POM121: variants seen among roughly 807,000 people sequenced by gnomAD.
POM121 encodes the protein POM121 transmembrane nucleoporin.
POM121 carries 32 observed loss-of-function variants against 81.3 expected under a neutral mutation model. That is an observed-to-expected ratio of 0.39 (90% CI 0.30 to 0.53). The LOEUF (loss-of-function observed/expected upper bound fraction) is 0.53. Ranked by LOEUF, POM121 falls within the 20% of genes least tolerant of loss-of-function variation. POM121 has a pLI of 0.66. For missense variants in POM121, 1,138 were observed against 1,614.6 expected (o/e 0.70, Z 5.06); for synonymous variants, 514 against 694.2 (o/e 0.74, Z 4.08).
rs572169808 is a variant in POM121 at position 72,891,489 on chromosome 7, C to T, written c.-216+379C>T. ...TGGTATGATCTCAGCTCACTGCAAC[C>T]ATCACCTCCCAGGTTCAAGCGATTC... is the stretch of plus-strand genomic sequence containing the variant. On this transcript the variant is annotated intron_variant, in intron 3 of 15. Coordinates refer to the POM121 transcript ENST00000395270. Among the ~76,000 whole-genome samples the T allele has an allele frequency of 3.9e-5, 6 of 152,280 alleles. No homozygotes were observed. In the South Asian group the frequency reaches 1.0e-3, roughly 26 times the overall value.
At chr7:72,938,454 A>G (rs1463447544) in intron 5 of POM121, 136 bp from the exon 6 acceptor site, 3 of 1,100,684 alleles carry the variant, frequency 2.7e-6, no homozygotes, top group Non-Finnish European at 2.7e-6. Context: ...GCCTCCCAGC[A>G]TGCTGGGATT....
At chr7:72,901,500 GC>G (rs1792648593) in intron 3 of POM121, among the ~76,000 whole-genome samples, 1 of 151,186 alleles carries the variant, frequency 6.6e-6, no homozygotes. Flanking sequence ...GATTACAGGC[GC>G]CCGCCACCGT....
At chr7:72,907,134 A>C (rs1793324461) in intron 3 of POM121, among the ~76,000 whole-genome samples, 1 of 152,130 alleles carries the variant, frequency 6.6e-6, no homozygotes. Context: ...TGCCGTGCTA[A>C]ATCAATTCAG....
chr7:72,936,253 C>G (rs1796492547), intron 5 of POM121, among the ~76,000 whole-genome samples: 1 of 151,970 alleles, frequency 6.6e-6, no homozygotes, highest in Non-Finnish European at 1.5e-5. Context: ...TCTCAAAACT[C>G]TTGGGCTCAA....
At chr7:72,928,596 G>A (rs1307317984) in intron 4 of POM121, 131 bp downstream of exon 4, 2 of 1,114,926 alleles carry the variant, frequency 1.8e-6, no homozygotes, top group Non-Finnish European at 2.6e-6. Flanking sequence ...TTTGAAATTA[G>A]GAACGTTTTG....
chr7:72,887,252 A>G (rs541503894), intron 1 of POM121, among the ~76,000 whole-genome samples: 6 of 151,968 alleles, frequency 3.9e-5, no homozygotes, highest in Admixed American at 3.9e-4. Context: ...TTTTTTGAAC[A>G]TTTGGAATAG....
chr7:72,902,508 A>G (rs1329630378), intron 3 of POM121, among the ~76,000 whole-genome samples: 10 of 145,468 alleles, frequency 6.9e-5, no homozygotes, highest in Admixed American at 1.4e-4. Flanking sequence ...TTTTTCTATA[A>G]GCTTTAGTTT....
At position 72,894,626 on chromosome 7, in the gene POM121, GGAGAGA is replaced by G. The variant is rs71071923; in HGVS notation, c.-216+3567_-216+3572del. On this transcript the variant is annotated intron_variant, in intron 3 of 15. Coordinates refer to the POM121 transcript ENST00000395270. ...GAGAGAGAGAGAGATGAGAGAGAGA[GGAGAGA>G]GAGAGAGAGAGAGAGAGAGAGAGAG... Among the ~76,000 whole-genome samples the G allele has an allele frequency of 6.2e-3, 145 of 23,322 alleles. 1 individual carries two copies. Among genetic ancestry groups the G allele is most frequent in the Admixed American group, 0.02 (34 of 1,738 alleles). 15.3% of individuals were successfully genotyped at this position (23,322 alleles called of 152,430 possible). A position where few individuals can be genotyped will look rare whatever the true frequency, so the allele number is the denominator to read the frequency against.
intron 5 of POM121, among the ~76,000 whole-genome samples, chr7:72,932,526 C>G (rs1411919362): frequency 2.0e-5 from 3 of 152,222 alleles, no homozygotes; most frequent in African/African-American, 4.8e-5. Flanking sequence ...TACATTTGTT[C>G]ATATGTCATT....
intron 4 of POM121, among the ~76,000 whole-genome samples, chr7:72,918,785 G>A (rs1414752041): frequency 2.6e-5 from 4 of 151,620 alleles, no homozygotes; most frequent in Admixed American, 6.6e-5. Context: ...CACGTCTCTG[G>A]CATTTCTGCT....
chr7:72,924,544 C>G (rs1795154284), upstream of POM121: 2 of 152,302 alleles, frequency 1.3e-5, no homozygotes, highest in South Asian at 4.1e-4. Context: ...TAACCATGAC[C>G]AGTCACTTTC....
intron 6 of POM121, 148 bp from the exon 7 acceptor site, chr7:72,939,188 G>A (rs1307061350): frequency 4.2e-6 from 5 of 1,192,130 alleles, no homozygotes; most frequent in Non-Finnish European, 4.6e-6. Context: ...GGAATTTCCT[G>A]TTGACTTTTT....
At chr7:72,881,051 G>A (rs557919256) in intron 1 of POM121, among the ~76,000 whole-genome samples, 1 of 89,990 alleles carries the variant, frequency 1.1e-5, no homozygotes, top group Admixed American at 1.2e-4. Context: ...ACAGGCGCAT[G>A]CTTCCCCTAT....
chr7:72,939,434 G>C, intron 7 of POM121, 25 bp downstream of exon 7: 1 of 1,613,362 alleles, frequency 6.2e-7, no homozygotes, highest in Non-Finnish European at 8.5e-7. Flanking sequence ...CAGGAGGAGG[G>C]GCTGCTGTTG....
At chr7:72,913,797 C>T (rs561621080) in exon 4 of POM121, 1 of 152,360 alleles carries the variant, frequency 6.6e-6, no homozygotes, top group East Asian at 1.9e-4. Context: ...ATCTCACTTC[C>T]TCCCAGAGGC....
At chr7:72,902,582 G>A (rs1792800100) in intron 3 of POM121, among the ~76,000 whole-genome samples, 1 of 151,798 alleles carries the variant, frequency 6.6e-6, no homozygotes, top group Non-Finnish European at 1.5e-5. Context: ...AGGCTGGAGT[G>A]CAGTGGTGCA....
chr7:72,923,546 C>T (rs1200638023), upstream of POM121, among the ~76,000 whole-genome samples: 4 of 151,890 alleles, frequency 2.6e-5, no homozygotes, highest in Non-Finnish European at 5.9e-5. Flanking sequence ...CCTCAGCCTC[C>T]CGAGTAGCTG....
chr7:72,925,468 A>G lies in POM121; in HGVS notation c.347A>G (p.Asn116Ser), dbSNP rs1554497044. ...FASPLAKSTA[N>S]GNLLEPRTLL... ...TCGCCTCTGGCCAAGTCGACAGCCA[A>G]CGGAAACCTCCTAGAGCCGCGGACC... The change falls in exon 1 of 13, where the codon AAC (asparagine) becomes AGC (serine). Residue 116 changes from asparagine (N) to serine (S), a missense_variant. Physicochemically the swap from Asn to Ser is conservative, Grantham distance 46. Transcript: ENST00000434423. 4 of 1,533,300 alleles carry G rather than the reference A, an allele frequency of 2.6e-6. No individual in the cohort carries two copies. The highest frequency in any genetic ancestry group is 1.2e-5 in the South Asian group (1 of 83,964). 95.0% of individuals were successfully genotyped at this position (1,533,300 alleles called of 1,614,324 possible). A position where few individuals can be genotyped will look rare whatever the true frequency, so the allele number is the denominator to read the frequency against.
At chr7:72,937,818 G>T (rs1368320183) in intron 5 of POM121, among the ~76,000 whole-genome samples, 53 of 150,748 alleles carry the variant, frequency 3.5e-4, no homozygotes, top group Admixed American at 3.5e-3. Flanking sequence ...TTGCTGTCAA[G>T]AACTCACCTG....
Sources: gnomAD v4.1 joint callset for allele counts (sites outside exome capture counted in the v4.1 genomes callset) on GRCh38, gnomAD v4.1.1 for gene constraint, MANE v1.5 for transcripts, NCBI Gene and HGNC (gene_info 2026-07-23, HGNC 2026-07-21) for gene names.